Variants in NFX1 observed in about 807,000 individuals in gnomAD.
The protein encoded by NFX1 is transcriptional repressor NF-X1.
In NFX1, 69 loss-of-function variants were observed where a neutral mutation model predicts 137.2. That is an observed-to-expected ratio of 0.50 (90% CI 0.41 to 0.61). The LOEUF is 0.61. NFX1 is among the 20% of genes least tolerant of loss of function. The pLI, the probability that NFX1 is intolerant of heterozygous loss-of-function variation, is 0.00. For missense variants in NFX1, 1,167 were observed against 1,391.0 expected (o/e 0.84, Z 2.56); for synonymous variants, 495 against 474.1 (o/e 1.04, Z -0.57).
At position 33,318,984 on chromosome 9, in the gene NFX1, C is replaced by T; in HGVS notation, c.1763C>T (p.Pro588Leu). 1 of 1,614,226 alleles carries T rather than the reference C, an allele frequency of 6.2e-7. No homozygotes were observed. Among genetic ancestry groups the T allele is most frequent in the Non-Finnish European group, 8.5e-7 (1 of 1,180,042 alleles). ...CCCTGCCAGCAATGCCCACGGCTCC[C>T]CCAGCTGGTGCGCTGTTGCCCCTGT... ...PQPCQQCPRL[P>L]QLVRCCPCGQ... The change falls in exon 9 of 24, where the codon CCC (proline) becomes CTC (leucine). Residue 588 changes from proline (P) to leucine (L), a missense_variant. Physicochemically the swap from Pro to Leu is moderately conservative, Grantham distance 98. This residue lies in a region of NFX1 where 488 missense variants were observed against 691.5 expected (regional missense o/e 0.71). Coordinates refer to ENST00000379540, the MANE Select transcript of NFX1 (RefSeq NM_002504.6).
chr9:33,358,647 A>ATTTTTTTTT lies in NFX1; in HGVS notation c.2873+3780_2873+3788dup, dbSNP rs61589629. ...GCAAAAAAATTCTGTGAATGGCTTG[A>ATTTTTTTTT]TTTTTTTTTTTTTTTTTTTTTTTTT... On this transcript the variant is annotated intron_variant, in intron 19 of 23. Coordinates refer to ENST00000379540, the MANE Select transcript of NFX1 (RefSeq NM_002504.6). Among the ~76,000 whole-genome samples the ATTTTTTTTT allele has an allele frequency of 4.3e-4, 21 of 48,472 alleles. 3 individuals carry two copies. Among genetic ancestry groups the ATTTTTTTTT allele is most frequent in the South Asian group, 1.1e-3 (1 of 872 alleles). 31.8% of individuals were successfully genotyped at this position (48,472 alleles called of 152,430 possible). A position where few individuals can be genotyped will look rare whatever the true frequency, so the allele number is the denominator to read the frequency against.
At chr9:33,330,170 TTGATTTA>T (rs1822751881) in intron 10 of NFX1, among the ~76,000 whole-genome samples, 1 of 152,186 alleles carries the variant, frequency 6.6e-6, no homozygotes, top group African/African-American at 2.4e-5. Flanking sequence ...ACACTGAGTG[TTGATTTA>T]TCCTGCTCTT....
chr9:33,362,453 C>T (rs1261186491), intron 19 of NFX1, among the ~76,000 whole-genome samples: 2 of 152,116 alleles, frequency 1.3e-5, no homozygotes, highest in Non-Finnish European at 2.9e-5. Flanking sequence ...GAAACCCTGT[C>T]ATTTGCAACA....
chr9:33,367,643 A>G (rs1425722129), intron 23 of NFX1, 24 bp downstream of exon 23: 9 of 1,608,624 alleles, frequency 5.6e-6, no homozygotes, highest in Non-Finnish European at 7.7e-6. Context: ...GCTGCTTTCC[A>G]AGGGGACCTG....
chr9:33,303,304 TA>T, intron 4 of NFX1, 36 bp downstream of exon 4: 1 of 1,553,260 alleles, frequency 6.4e-7, no homozygotes, highest in Non-Finnish European at 8.9e-7. Context: ...TCTCTTTTAC[TA>T]CATACATTGT....
At chr9:33,323,487 GCTCACGC>G (rs1352914809) in intron 9 of NFX1, among the ~76,000 whole-genome samples, 9 of 152,190 alleles carry the variant, frequency 5.9e-5, no homozygotes, top group African/African-American at 2.2e-4. Flanking sequence ...AGGCATGGTG[GCTCACGC>G]CTGTAATCCC....
At position 33,331,029 on chromosome 9, in the gene NFX1, G is replaced by A. The variant is rs900733111; in HGVS notation, c.2005-1443G>A. Among the ~76,000 whole-genome samples the A allele has an allele frequency of 1.8e-4, 27 of 152,102 alleles. 1 individual carries two copies. Among genetic ancestry groups the A allele is most frequent in the African/African-American group, 9.7e-5 (4 of 41,424 alleles). On this transcript the variant is annotated intron_variant, in intron 10 of 23. Transcript: ENST00000379540. ...AAAATACAAAAAATTAGCCAGGCAC[G>A]GTGGTGGGCGCCTGTAGTCCCAGCT...
chr9:33,313,986 A>ATTTT (rs796690417), intron 7 of NFX1, among the ~76,000 whole-genome samples, 193 bp downstream of exon 7: 64 of 150,310 alleles, frequency 4.3e-4, no homozygotes, highest in African/African-American at 1.3e-3. Context: ...GTCCTATATA[A>ATTTT]TTTTTTTTTT....
At chr9:33,354,706 C>T (rs1823754887) in intron 18 of NFX1, 145 bp from the exon 19 acceptor site, 5 of 678,382 alleles carry the variant, frequency 7.4e-6, no homozygotes, top group African/African-American at 1.8e-5. Flanking sequence ...AGCAGGTGGC[C>T]TCACAGGCTG....
chr9:33,322,921 C>T (rs2118420274), intron 9 of NFX1, among the ~76,000 whole-genome samples: 1 of 152,324 alleles, frequency 6.6e-6, no homozygotes, highest in African/African-American at 2.4e-5. Context: ...AAGAGGAGCC[C>T]TCTTCAGGTC....
intron 10 of NFX1, among the ~76,000 whole-genome samples, chr9:33,332,086 C>G (rs1012097344): frequency 6.6e-6 from 1 of 152,164 alleles, no homozygotes; most frequent in African/African-American, 2.4e-5. Context: ...CATCTGTTTT[C>G]AATTCTTATA....
At chr9:33,314,953 G>A (rs1017948290) in intron 7 of NFX1, among the ~76,000 whole-genome samples, 1 of 152,170 alleles carries the variant, frequency 6.6e-6, no homozygotes, top group Non-Finnish European at 1.5e-5. Context: ...AAAGTAGAAA[G>A]TATCTACATG....
At chr9:33,323,204 A>C (rs1274655254) in intron 9 of NFX1, among the ~76,000 whole-genome samples, 1 of 152,206 alleles carries the variant, frequency 6.6e-6, no homozygotes, top group Non-Finnish European at 1.5e-5. Context: ...CAGCGGCTAC[A>C]TACTGTAGGG....
chr9:33,351,153 A>G lies in NFX1; in HGVS notation c.2425-407A>G, dbSNP rs1269050427. Among the ~76,000 whole-genome samples the G allele has an allele frequency of 2.0e-5, 3 of 152,024 alleles. 1 individual carries two copies. The East Asian group carries it at 5.8e-4, about 29-fold the overall frequency. On this transcript the variant is annotated intron_variant, in intron 15 of 23. Coordinates refer to ENST00000379540, the MANE Select transcript of NFX1 (RefSeq NM_002504.6). ...CAGAGTGAGACTTCGTCTCAAAATA[A>G]ATAAATAAATACAAACTGTTATTGC...
At chr9:33,307,649 A>G (rs1028899126) in intron 5 of NFX1, among the ~76,000 whole-genome samples, 3 of 152,114 alleles carry the variant, frequency 2.0e-5, no homozygotes, top group Admixed American at 6.5e-5. Context: ...AAGAAATGTG[A>G]CTCATATGTT....
Position 33,318,837 on chromosome 9 carries a change from T to G in NFX1, c.1688+7T>G. 1 of 1,614,160 alleles carries G rather than the reference T, an allele frequency of 6.2e-7. No individual in the cohort carries two copies. ...GTTTAAAGATATGTGGCAAGTAAGG[T>G]TTTACGTTTTCTTCAGTTGAACTAA... On this transcript the variant is annotated splice_region_variant and intron_variant, in intron 8 of 23. Coordinates refer to ENST00000379540, the MANE Select transcript of NFX1 (RefSeq NM_002504.6).
At chr9:33,355,515 G>A (rs923935685) in intron 19 of NFX1, among the ~76,000 whole-genome samples, 1 of 151,796 alleles carries the variant, frequency 6.6e-6, no homozygotes, top group Non-Finnish European at 1.5e-5. Flanking sequence ...GTTGCATGTA[G>A]CAATGCTTTA....
intron 12 of NFX1, among the ~76,000 whole-genome samples, chr9:33,339,785 A>G (rs1401636662): frequency 6.6e-6 from 1 of 152,246 alleles, no homozygotes; most frequent in Non-Finnish European, 1.5e-5. Flanking sequence ...TGGCCAAAAC[A>G]AAGGGGCTAC....
chr9:33,325,991 A>T (rs992176392), intron 9 of NFX1, among the ~76,000 whole-genome samples: 2 of 152,236 alleles, frequency 1.3e-5, no homozygotes, highest in Admixed American at 6.5e-5. Flanking sequence ...AACCTGTAGA[A>T]GTATATTTGA....
Sources: allele counts gnomAD v4.1 joint callset (sites outside exome capture counted in the v4.1 genomes callset), GRCh38; gene constraint gnomAD v4.1.1; regional missense constraint gnomAD v4.1.1; transcripts MANE v1.5; gene names NCBI Gene and HGNC (gene_info 2026-07-23, HGNC 2026-07-21).